ZNF487: variants seen among roughly 807,000 people sequenced by gnomAD.
The protein encoded by ZNF487 is zinc finger protein 487.
ZNF487 carries 4 observed loss-of-function variants against 3.0 expected under a neutral mutation model. The ratio of observed to expected loss-of-function variants is 1.35; its 90% confidence interval spans 0.66 to 3.08. ZNF487 has a LOEUF of 3.08. ZNF487 is among the 30% of genes most tolerant of loss of function. The pLI is 0.01. For synonymous variants in ZNF487, 55 were observed against 34.6 expected (o/e 1.59, Z -2.06); for missense variants, 146 against 98.7 (o/e 1.48, Z -2.03).
At chr10:43,466,667 C>G (rs1840718874) in intron 1 of ZNF487, among the ~76,000 whole-genome samples, 1 of 152,116 alleles carries the variant, frequency 6.6e-6, no homozygotes, top group Admixed American at 6.6e-5. Context: ...TCCCATAGTG[C>G]TGGGATTACA....
Position 43,437,119 on chromosome 10 carries a change from C to G in ZNF487, c.-237C>G, listed in dbSNP as rs948831231. The G allele has an allele frequency of 3.3e-6, 1 of 302,170 alleles. No homozygotes were observed. The highest frequency in any genetic ancestry group is 2.4e-5 in the African/African-American group (1 of 42,268). 18.7% of individuals were successfully genotyped at this position (302,170 alleles called of 1,614,324 possible). On this transcript the variant is annotated 5_prime_UTR_variant, in exon 1 of 4. Transcript: ENST00000437590. The stretch of plus-strand genomic sequence containing the variant: ...CCTCGGCGGCCCCGCCCAGGGAGCG[C>G]TGCGGCAGTTTCCATGGTGAGATGG...
At chr10:43,493,707 AAAATATAT>A in the ZNF487 span, among the ~76,000 whole-genome samples, 69 of 53,822 alleles carry the variant, frequency 1.3e-3, no homozygotes, top group Non-Finnish European at 1.8e-3. Flanking sequence ...AAAAAAAAAA[AAAATATAT>A]ATATATATAT....
At chr10:43,455,820 G>A (rs1419187187) in intron 1 of ZNF487, among the ~76,000 whole-genome samples, 1 of 152,242 alleles carries the variant, frequency 6.6e-6, no homozygotes, top group African/African-American at 2.4e-5. Flanking sequence ...CCTTAGCGGC[G>A]TTTGCTGCTC....
chr10:43,478,610 TTGGGAGGCTGAAG>T (rs1005578540), intron 3 of ZNF487, among the ~76,000 whole-genome samples: 82 of 152,158 alleles, frequency 5.4e-4, no homozygotes, highest in African/African-American at 1.9e-3. Flanking sequence ...AGTCTCAGTT[TTGGGAGGCTGAAG>T]TGGGAGGATC....
intron 1 of ZNF487, among the ~76,000 whole-genome samples, chr10:43,472,100 TC>T (rs1372234875): frequency 6.6e-6 from 1 of 152,226 alleles, no homozygotes; most frequent in Non-Finnish European, 1.5e-5. Context: ...TTGTACTTTG[TC>T]TGGCTGAGGC....
chr10:43,485,816 A>G (rs911931163), downstream of ZNF487, among the ~76,000 whole-genome samples: 2 of 152,204 alleles, frequency 1.3e-5, no homozygotes, highest in South Asian at 4.1e-4. Flanking sequence ...TTGCTGCTTG[A>G]TACAGGGATA....
At chr10:43,508,687 A>C in the ZNF487 span, among the ~76,000 whole-genome samples, 2 of 151,980 alleles carry the variant, frequency 1.3e-5, no homozygotes, top group Non-Finnish European at 2.9e-5. Context: ...AAAACAAACA[A>C]ACAAAAAAAC....
chr10:43,466,043 TCAGGCG>T (rs1242036437), intron 1 of ZNF487, among the ~76,000 whole-genome samples: 6 of 152,064 alleles, frequency 3.9e-5, no homozygotes, highest in Middle Eastern at 3.2e-3. Context: ...CGAAAACCAG[TCAGGCG>T]TGGCGGTGCG....
At position 43,481,462 on chromosome 10, in the gene ZNF487, G is replaced by A; in HGVS notation, c.164G>A (p.Arg55Lys). The A allele has an allele frequency of 1.4e-6, 1 of 716,894 alleles. No homozygotes were observed. The highest frequency in any genetic ancestry group is 2.0e-5 in the Admixed American group (1 of 49,916). The allele number at this position is 716,894 out of a possible 1,614,324, so 44.4% of individuals were successfully genotyped here. A position where few individuals can be genotyped will look rare whatever the true frequency, so the allele number is the denominator to read the frequency against. ...ATAGATGATGACCTGATGGAGAAGA[G>A]ACAGGAAAATCAAGACCAGCATTTG... ...CCIDDDLMEK[R>K]QENQDQHLQK... The change falls in exon 4 of 4, where the codon AGA becomes AAA. Residue 55 changes from arginine to lysine, a missense_variant. Physicochemically the swap from Arg to Lys is conservative, Grantham distance 26. Transcript: ENST00000437590.
chr10:43,467,732 G>A (rs1276259771), intron 1 of ZNF487, among the ~76,000 whole-genome samples: 6 of 151,220 alleles, frequency 4.0e-5, no homozygotes, highest in Admixed American at 4.0e-4. Context: ...CAAGAGAATC[G>A]CTTGAACCTG....
chr10:43,485,819 C>T (rs1159636321), downstream of ZNF487, among the ~76,000 whole-genome samples: 1 of 152,166 alleles, frequency 6.6e-6, no homozygotes, highest in Non-Finnish European at 1.5e-5. Context: ...CTGCTTGATA[C>T]AGGGATAAAA....
At chr10:43,515,602 C>A in the ZNF487 span, among the ~76,000 whole-genome samples, 1 of 152,202 alleles carries the variant, frequency 6.6e-6, no homozygotes, top group East Asian at 1.9e-4. Flanking sequence ...AGATACCTAG[C>A]GTGGCTGTGC....
chr10:43,441,081 G>A (rs1839589549), intron 1 of ZNF487, among the ~76,000 whole-genome samples: 2 of 108,078 alleles, frequency 1.9e-5, no homozygotes, highest in Admixed American at 1.3e-4. Context: ...TGGAGACAGG[G>A]TCTCCCTGTA....
the ZNF487 span, among the ~76,000 whole-genome samples, chr10:43,497,782 A>G: frequency 7.3e-5 from 11 of 151,722 alleles, no homozygotes; most frequent in African/African-American, 2.7e-4. Flanking sequence ...CCTGGCCAAC[A>G]CGGTGAAACC....
intron 3 of ZNF487, among the ~76,000 whole-genome samples, chr10:43,480,027 CTTTCTTTCTTTCTTTCT>C (rs778947885): frequency 0.09 from 6,745 of 74,922 alleles, 331 homozygotes; most frequent in Non-Finnish European, 0.13. Flanking sequence ...TTCTTTCTTT[CTTTCTTTCTTTCTTTCT>C]TTTTCTTTCT....
At chr10:43,469,947 C>A (rs1253076579) in intron 1 of ZNF487, among the ~76,000 whole-genome samples, 3 of 148,830 alleles carry the variant, frequency 2.0e-5, no homozygotes, top group Non-Finnish European at 4.4e-5. Flanking sequence ...GAGACTCTGT[C>A]TTCCAAAAAA....
intron 3 of ZNF487, among the ~76,000 whole-genome samples, chr10:43,477,254 T>C (rs902691967): frequency 1.3e-5 from 2 of 151,732 alleles, no homozygotes; most frequent in African/African-American, 2.4e-5. Flanking sequence ...TAGAGTGCAG[T>C]GGTGCAATCT....
chr10:43,493,060 G>T, the ZNF487 span, among the ~76,000 whole-genome samples: 1 of 151,900 alleles, frequency 6.6e-6, no homozygotes, highest in Non-Finnish European at 1.5e-5. Flanking sequence ...GAGAAACCCC[G>T]TCTCTACCAA....
intron 1 of ZNF487, chr10:43,452,250 C>G (rs1840035833): frequency 6.6e-6 from 1 of 152,164 alleles, no homozygotes; most frequent in Non-Finnish European, 1.5e-5. Context: ...ACCTGGATGG[C>G]TGATTCAAAA....
Sources: gnomAD v4.1 joint callset for allele counts (sites outside exome capture counted in the v4.1 genomes callset) on GRCh38, gnomAD v4.1.1 for gene constraint, MANE v1.5 for transcripts, NCBI Gene and HGNC (gene_info 2026-07-23, HGNC 2026-07-21) for gene names.